BIRC6: variants seen among roughly 807,000 people sequenced by gnomAD.
BIRC6 encodes the protein dual E2 ubiquitin-conjugating enzyme/E3 ubiquitin-protein ligase BIRC6.
BIRC6 carries 98 observed loss-of-function variants against 503.3 expected under a neutral mutation model. That is an observed-to-expected ratio of 0.19 (90% CI 0.17 to 0.23). The LOEUF is 0.23. Ranked by LOEUF, BIRC6 falls within the 10% of genes least tolerant of loss-of-function variation. The probability of loss-of-function intolerance (pLI) is 1.00; values close to 1 mark genes in which losing one functional copy is unlikely to be tolerated. For synonymous variants in BIRC6, 2,240 were observed against 2,078.7 expected, an observed-to-expected ratio of 1.08 and a Z score of -2.11; for missense variants, 5,360 against 5,806.0, an observed-to-expected ratio of 0.92 and a Z score of 2.50.
At chr2:32,594,716 A>G (rs544425653) in intron 67 of BIRC6, among the ~76,000 whole-genome samples, 2 of 151,990 alleles carry the variant, frequency 1.3e-5, no homozygotes, top group African/African-American at 4.8e-5. Flanking sequence ...GGATGGATGG[A>G]TGGATGGATG....
At chr2:32,404,914 G>A (rs2041030613) in intron 8 of BIRC6, among the ~76,000 whole-genome samples, 1 of 151,802 alleles carries the variant, frequency 6.6e-6, no homozygotes, top group South Asian at 2.1e-4. Context: ...CTCCCTCCTT[G>A]TCCTCCCAAA....
At chr2:32,597,546 A>G (rs565733452) in intron 68 of BIRC6, among the ~76,000 whole-genome samples, 1 of 152,324 alleles carries the variant, frequency 6.6e-6, no homozygotes, top group Admixed American at 6.5e-5. Context: ...AGCATGTGAA[A>G]GACAAGAGTC....
intron 8 of BIRC6, among the ~76,000 whole-genome samples, chr2:32,403,931 T>G (rs1228178184): frequency 8.2e-5 from 12 of 147,038 alleles, no homozygotes; most frequent in Non-Finnish European, 1.0e-4. Flanking sequence ...TGTGTGTGTT[T>G]TTTTTTTTTT....
chr2:32,428,657 GT>G (rs570826524), intron 10 of BIRC6, among the ~76,000 whole-genome samples: 1 of 152,056 alleles, frequency 6.6e-6, no homozygotes, highest in Non-Finnish European at 1.5e-5. Context: ...TTTGCTGTCA[GT>G]TTTTTTCCTG....
At chr2:32,401,103 A>T in intron 6 of BIRC6, 60 bp from the exon 7 acceptor site, 1 of 1,414,218 alleles carries the variant, frequency 7.1e-7, no homozygotes, top group Non-Finnish European at 9.9e-7. Context: ...GTTCTGTTTT[A>T]ATGTACAAAC....
chr2:32,377,487 A>C (rs2036983264), intron 1 of BIRC6, 101 bp from the exon 2 acceptor site: 4 of 931,428 alleles, frequency 4.3e-6, no homozygotes, highest in Admixed American at 3.9e-5. Flanking sequence ...TTAAGATCCA[A>C]TTCAGGATAA....
At chr2:32,507,385 G>A (rs1285922093) in intron 50 of BIRC6, among the ~76,000 whole-genome samples, 1 of 152,090 alleles carries the variant, frequency 6.6e-6, no homozygotes, top group Non-Finnish European at 1.5e-5. Context: ...AGCTAAGATC[G>A]TGCCACTGCA....
At chr2:32,371,629 C>G (rs796586026) in intron 1 of BIRC6, among the ~76,000 whole-genome samples, 52 of 152,152 alleles carry the variant, frequency 3.4e-4, no homozygotes, top group African/African-American at 1.2e-3. Flanking sequence ...GCAATCCGCC[C>G]GCCTCGGCCT....
intron 61 of BIRC6, among the ~76,000 whole-genome samples, chr2:32,536,783 A>G (rs890017748): frequency 3.9e-5 from 6 of 152,296 alleles, no homozygotes; most frequent in Middle Eastern, 3.4e-3. Flanking sequence ...TGACTTGGCA[A>G]TGCGGGCTCT....
At chr2:32,582,495 G>A (rs1321969022) in intron 66 of BIRC6, among the ~76,000 whole-genome samples, 2 of 152,150 alleles carry the variant, frequency 1.3e-5, no homozygotes, top group African/African-American at 4.8e-5. Context: ...TGGGCGTGGT[G>A]GCTCACGCCT....
intron 22 of BIRC6, among the ~76,000 whole-genome samples, 153 bp from the exon 23 acceptor site, chr2:32,453,655 T>A (rs1402926251): frequency 1.4e-4 from 22 of 152,206 alleles, no homozygotes. Context: ...TTTGTCAGTT[T>A]TCTTAATACC....
In BIRC6 at chr2:32,502,287, AT is replaced by A. The variant is rs560693072; in HGVS notation, c.9207+401del. On this transcript the variant is annotated intron_variant, in intron 47 of 73. Coordinates refer to ENST00000421745, the MANE Select transcript of BIRC6 (RefSeq NM_016252.4). ...GCTTCTTTTTTTTCCATTAAAAGAG[AT>A]TAGGCTAATTAAAGAAAATAGGTTA... Among the ~76,000 whole-genome samples the A allele has an allele frequency of 1.7e-4, 26 of 152,170 alleles. 1 individual carries two copies. The South Asian group carries it at 5.2e-3, about 30-fold the overall frequency.
chr2:32,524,737 C>A (rs2056107421), intron 57 of BIRC6, 151 bp from the exon 58 acceptor site: 1 of 430,100 alleles, frequency 2.3e-6, no homozygotes, highest in Non-Finnish European at 3.8e-6. Context: ...GGGTATCAGG[C>A]CTTTACCTCA....
At chr2:32,432,761 GAA>G (rs537768715) in intron 12 of BIRC6, among the ~76,000 whole-genome samples, 2 of 129,434 alleles carry the variant, frequency 1.5e-5, no homozygotes, top group Middle Eastern at 4.0e-3. Context: ...CCCCATTTCG[GAA>G]AAAAAAAAAA....
intron 65 of BIRC6, among the ~76,000 whole-genome samples, chr2:32,568,202 T>C (rs1042107265): frequency 3.3e-5 from 5 of 151,252 alleles, no homozygotes; most frequent in Non-Finnish European, 7.4e-5. Context: ...TTTTTTTTTT[T>C]CAGGATAATC....
intron 21 of BIRC6, among the ~76,000 whole-genome samples, chr2:32,446,754 T>TG (rs2046000015): frequency 7.4e-6 from 1 of 134,596 alleles, no homozygotes; most frequent in African/African-American, 2.7e-5. Context: ...TTTTTTTTTT[T>TG]TTTTTTTTTT....
chr2:32,532,132 G>A (rs1436583845), intron 61 of BIRC6: 1 of 90,160 alleles, frequency 1.1e-5, no homozygotes, highest in South Asian at 7.3e-5. Flanking sequence ...TTGATTTCAT[G>A]TCGTGTGTGT....
intron 42 of BIRC6, 39 bp downstream of exon 42, chr2:32,488,753 G>A (rs1420063837): frequency 5.4e-6 from 7 of 1,289,620 alleles, no homozygotes; most frequent in African/African-American, 1.5e-5. Context: ...AGTCTAAATA[G>A]CAAGCTTAAA....
At chr2:32,370,040 G>GTA (rs1349696253) in intron 1 of BIRC6, among the ~76,000 whole-genome samples, 2 of 131,646 alleles carry the variant, frequency 1.5e-5, no homozygotes, top group Non-Finnish European at 3.2e-5. Context: ...ATATATGTAT[G>GTA]TATATATATG....
Sources: gnomAD v4.1 joint callset for allele counts (sites outside exome capture counted in the v4.1 genomes callset) on GRCh38, gnomAD v4.1.1 for gene constraint, MANE v1.5 for transcripts, NCBI Gene and HGNC (gene_info 2026-07-23, HGNC 2026-07-21) for gene names.